The following FMN2 variants were observed in gnomAD, a reference collection of about 807,000 sequenced individuals.
FMN2 encodes the protein formin 2.
FMN2 carries 51 observed loss-of-function variants against 142.3 expected under a neutral mutation model. That is an observed-to-expected ratio of 0.36 (90% CI 0.29 to 0.45). FMN2 has a LOEUF of 0.45. Ranked by LOEUF, FMN2 falls within the 20% of genes least tolerant of loss-of-function variation. FMN2 has a pLI of 1.00. For missense variants in FMN2, 1,936 were observed against 2,122.8 expected (o/e 0.91, Z 1.73); for synonymous variants, 882 against 869.8 (o/e 1.01, Z -0.25).
At position 240,474,265 on chromosome 1, in the gene FMN2, T is replaced by C. The variant is rs1676901662; in HGVS notation, c.*111T>C. 1.0e-6 allele frequency: 1 copy of C among 993,718 alleles called. No homozygotes were observed. The allele number at this position is 993,718 out of a possible 1,614,324, so 61.6% of individuals were successfully genotyped here. On this transcript the variant is annotated 3_prime_UTR_variant, in exon 18 of 18. Transcript: ENST00000319653. ...ATTCTGCTCATGTTTCTTCTTGACC[T>C]CTTGCATAATCTTTTTGTTTTCTAG...
chr1:240,221,927 A>T (rs1202211360), intron 6 of FMN2, among the ~76,000 whole-genome samples: 1 of 149,342 alleles, frequency 6.7e-6, no homozygotes, highest in Non-Finnish European at 1.5e-5. Flanking sequence ...AGCTCACTAC[A>T]AGCTCTGCCT....
intron 1 of FMN2, among the ~76,000 whole-genome samples, chr1:240,098,570 A>G (rs550213902): frequency 5.3e-5 from 8 of 152,324 alleles, no homozygotes; most frequent in Admixed American, 5.2e-4. Flanking sequence ...TGATACGTAT[A>G]AAATGTCTTA....
chr1:240,294,547 C>A (rs753053875), intron 7 of FMN2, among the ~76,000 whole-genome samples: 1 of 152,192 alleles, frequency 6.6e-6, no homozygotes, highest in African/African-American at 2.4e-5. Flanking sequence ...TCATTCAGTT[C>A]GGCTGTGAAA....
chr1:240,335,280 C>A (rs2103021304), intron 13 of FMN2, among the ~76,000 whole-genome samples: 1 of 152,290 alleles, frequency 6.6e-6, no homozygotes, highest in African/African-American at 2.4e-5. Context: ...TACATGTACC[C>A]TGTTGGAGCC....
chr1:240,339,403 T>C (rs1161746468), intron 13 of FMN2, among the ~76,000 whole-genome samples: 2 of 152,114 alleles, frequency 1.3e-5, no homozygotes, highest in Non-Finnish European at 2.9e-5. Context: ...TATGTGTATA[T>C]AGGAAAAAGC....
At chr1:240,245,963 G>C (rs1275945816) in intron 6 of FMN2, among the ~76,000 whole-genome samples, 1 of 151,648 alleles carries the variant, frequency 6.6e-6, no homozygotes, top group Admixed American at 6.6e-5. Flanking sequence ...GGCGGATCAC[G>C]AGGTCAGGGG....
rs148268258 is a variant in FMN2 at position 240,216,912 on chromosome 1, A to G, written c.4065+5677A>G. On this transcript the variant is annotated intron_variant, in intron 6 of 17. Transcript: ENST00000319653. ...TGCAGTGAGCCGAGATCGCGCCACTACACTCCAGCCTGGGCAACAGAGCGA... is the reference window on the plus strand; with the variant it reads ...TGCAGTGAGCCGAGATCGCGCCACTGCACTCCAGCCTGGGCAACAGAGCGA... 6.3e-3 allele frequency among the ~76,000 whole-genome samples: 953 copies of G among 151,882 alleles called. 11 individuals carry two copies. The highest frequency in any genetic ancestry group is 0.022 in the African/African-American group (908 of 41,444).
intron 13 of FMN2, among the ~76,000 whole-genome samples, chr1:240,339,451 A>G (rs1671674447): frequency 6.6e-6 from 1 of 152,150 alleles, no homozygotes; most frequent in Admixed American, 6.6e-5. Context: ...TGCTGCTCCA[A>G]GCATCCACTG....
At chr1:240,443,559 C>T (rs1272755892) in intron 16 of FMN2, among the ~76,000 whole-genome samples, 1 of 152,102 alleles carries the variant, frequency 6.6e-6, no homozygotes, top group Non-Finnish European at 1.5e-5. Flanking sequence ...TCGAGACCAG[C>T]CTGGCCAACA....
intron 2 of FMN2, chr1:240,143,052 TA>T (rs1414582096): frequency 1.3e-6 from 2 of 1,497,060 alleles, no homozygotes; most frequent in African/African-American, 2.8e-5. Flanking sequence ...GTCACTGTGG[TA>T]GGGGCAGAGG....
At chr1:240,461,031 A>C (rs918359280) in intron 16 of FMN2, among the ~76,000 whole-genome samples, 1 of 152,130 alleles carries the variant, frequency 6.6e-6, no homozygotes, top group African/African-American at 2.4e-5. Context: ...TCATAATAAA[A>C]AGGTGCCTAT....
chr1:240,438,249 G>T, intron 16 of FMN2, 39 bp downstream of exon 16: 1 of 1,594,448 alleles, frequency 6.3e-7, no homozygotes, highest in Non-Finnish European at 8.5e-7. Flanking sequence ...TTTAAAACTG[G>T]TGTTTTATTA....
At chr1:240,474,018 C>T in intron 17 of FMN2, 110 bp from the exon 18 acceptor site, 2 of 915,422 alleles carry the variant, frequency 2.2e-6, no homozygotes, top group Non-Finnish European at 3.2e-6. Context: ...TTAACCTTGT[C>T]CCACAGAATT....
rs1667556704 is a variant in FMN2, at chr1:240,232,340, T to C, written c.4065+21105T>C. 3.9e-5 allele frequency among the ~76,000 whole-genome samples: 6 copies of C among 151,924 alleles called. No individual in the cohort carries two copies. The South Asian group carries it at 6.2e-4, about 16-fold the overall frequency. On this transcript the variant is annotated intron_variant, in intron 6 of 17. Coordinates refer to ENST00000319653, the MANE Select transcript of FMN2 (RefSeq NM_020066.5). Reference sequence around the variant, plus strand: ...CTCCTGACCTCGTGATCCACCCACATTGGCCTCCCAAAGTGCTGGCATTAC... The same window carrying C: ...CTCCTGACCTCGTGATCCACCCACACTGGCCTCCCAAAGTGCTGGCATTAC...
At chr1:240,296,006 T>A (rs1375071690) in intron 8 of FMN2, among the ~76,000 whole-genome samples, 1 of 152,178 alleles carries the variant, frequency 6.6e-6, no homozygotes, top group Non-Finnish European at 1.5e-5. Flanking sequence ...TCTGATGAAC[T>A]GTGATCAAAT....
intron 15 of FMN2, among the ~76,000 whole-genome samples, chr1:240,401,346 A>G (rs1673982679): frequency 6.6e-6 from 1 of 152,170 alleles, no homozygotes; most frequent in Non-Finnish European, 1.5e-5. Flanking sequence ...ACCAGATGAA[A>G]TTCACTTTGG....
At chr1:240,384,563 T>A (rs779895345) in intron 14 of FMN2, among the ~76,000 whole-genome samples, 7 of 152,118 alleles carry the variant, frequency 4.6e-5, no homozygotes, top group Non-Finnish European at 1.0e-4. Context: ...TCTCTGCTCC[T>A]TTTTCTACTT....
chr1:240,132,180 G>A (rs6698603), intron 2 of FMN2, among the ~76,000 whole-genome samples: 1,662 of 152,276 alleles, frequency 0.011, 37 homozygotes, highest in African/African-American at 0.038. Flanking sequence ...ATTTCAGAGA[G>A]AATGATCATT....
chr1:240,447,124 T>G (rs1675847619), intron 16 of FMN2, among the ~76,000 whole-genome samples: 1 of 152,136 alleles, frequency 6.6e-6, no homozygotes, highest in South Asian at 2.1e-4. Flanking sequence ...GTGGTTATTT[T>G]ATTTGACAGA....
Sources: gnomAD v4.1 joint callset for allele counts (sites outside exome capture counted in the v4.1 genomes callset) on GRCh38, gnomAD v4.1.1 for gene constraint, MANE v1.5 for transcripts, NCBI Gene and HGNC (gene_info 2026-07-23, HGNC 2026-07-21) for gene names.